The following LRRC72 variants were observed in gnomAD, a reference collection of about 807,000 sequenced individuals.
LRRC72 encodes the protein leucine rich repeat containing 72, also known as leucine-rich repeat-containing protein 72.
LRRC72 carries 41 observed loss-of-function variants against 35.8 expected under a neutral mutation model. That is an observed-to-expected ratio of 1.15 (90% CI 0.89 to 1.49). The LOEUF (loss-of-function observed/expected upper bound fraction) is 1.49. Ranked by LOEUF, LRRC72 falls within the 40% of genes most tolerant of loss-of-function variation. LRRC72 has a pLI of 0.00. For synonymous variants in LRRC72, 118 were observed against 119.2 expected (o/e 0.99, Z 0.07); for missense variants, 389 against 330.7 (o/e 1.18, Z -1.37).
chr7:16,568,760 A>G (rs943578572), intron 7 of LRRC72, among the ~76,000 whole-genome samples: 53 of 152,306 alleles, frequency 3.5e-4, no homozygotes, highest in African/African-American at 1.3e-3. Flanking sequence ...AACCATCTTA[A>G]AGCAGTCGGA....
intron 7 of LRRC72, among the ~76,000 whole-genome samples, chr7:16,573,394 T>C (rs1782981996): frequency 6.6e-6 from 1 of 152,124 alleles, no homozygotes. Context: ...CACTGCCTGA[T>C]TTCAAACTAT....
intron 3 of LRRC72, among the ~76,000 whole-genome samples, chr7:16,541,616 A>T (rs1407974007): frequency 6.6e-6 from 1 of 152,202 alleles, no homozygotes; most frequent in East Asian, 1.9e-4. Context: ...AAACACTTTT[A>T]AAAAAACATA....
At chr7:16,534,688 G>A (rs1167036505) in intron 2 of LRRC72, among the ~76,000 whole-genome samples, 2 of 151,812 alleles carry the variant, frequency 1.3e-5, no homozygotes, top group Non-Finnish European at 2.9e-5. Flanking sequence ...AACTTTTATG[G>A]GAAATCCTCT....
chr7:16,559,402 A>T (rs1215272178), intron 5 of LRRC72, among the ~76,000 whole-genome samples: 1 of 152,192 alleles, frequency 6.6e-6, no homozygotes, highest in African/African-American at 2.4e-5. Context: ...TCAGAAAAAA[A>T]AAAAATTAGA....
At chr7:16,562,903 C>T (rs1252481813) in intron 5 of LRRC72, among the ~76,000 whole-genome samples, 2 of 152,336 alleles carry the variant, frequency 1.3e-5, no homozygotes, top group African/African-American at 2.4e-5. Context: ...TTGCCTTTTA[C>T]AATCAGGGGT....
chr7:16,572,371 T>C lies in LRRC72; in HGVS notation c.670+4828T>C, dbSNP rs114172856. Among the ~76,000 whole-genome samples, 1,466 of 152,248 alleles carry C rather than the reference T, an allele frequency of 9.6e-3. 25 individuals are homozygous for C. The highest frequency in any genetic ancestry group is 0.034 in the African/African-American group (1,401 of 41,550). ...ACAACAACAAAAAATTCCAGGCCAATATCCCTGACGAACATCAGTGCAAAA... is the reference window on the plus strand; with the variant it reads ...ACAACAACAAAAAATTCCAGGCCAACATCCCTGACGAACATCAGTGCAAAA... On this transcript the variant is annotated intron_variant, in intron 7 of 8. Coordinates refer to ENST00000401542, the MANE Select transcript of LRRC72 (RefSeq NM_001195280.2).
At chr7:16,538,843 C>T (rs1782308193) in intron 3 of LRRC72, among the ~76,000 whole-genome samples, 1 of 152,194 alleles carries the variant, frequency 6.6e-6, no homozygotes, top group African/African-American at 2.4e-5. Context: ...TGCCTTGCTT[C>T]CCCTTCACCT....
intron 3 of LRRC72, among the ~76,000 whole-genome samples, chr7:16,544,423 C>T (rs759914546): frequency 4.6e-5 from 7 of 152,120 alleles, no homozygotes; most frequent in Admixed American, 6.5e-5. Flanking sequence ...TGCTGCATCT[C>T]CTCCTTTTTG....
chr7:16,575,825 C>G (rs1003286040), intron 7 of LRRC72, among the ~76,000 whole-genome samples: 2 of 152,136 alleles, frequency 1.3e-5, no homozygotes, highest in African/African-American at 2.4e-5. Context: ...ACAGCGAATG[C>G]ACACAATAAC....
At chr7:16,564,471 A>G (rs987183030) in intron 5 of LRRC72, among the ~76,000 whole-genome samples, 2 of 152,090 alleles carry the variant, frequency 1.3e-5, no homozygotes, top group African/African-American at 4.8e-5. Flanking sequence ...CTTCTCTTTC[A>G]AGAATAAAAT....
At chr7:16,528,438 G>C (rs1428678086) in intron 1 of LRRC72, among the ~76,000 whole-genome samples, 2 of 152,014 alleles carry the variant, frequency 1.3e-5, no homozygotes, top group Admixed American at 6.5e-5. Flanking sequence ...AGCTGCATCT[G>C]TCTTCCCTCC....
intron 7 of LRRC72, among the ~76,000 whole-genome samples, chr7:16,573,969 C>T (rs1009483872): frequency 6.6e-6 from 1 of 152,216 alleles, no homozygotes; most frequent in South Asian, 2.1e-4. Flanking sequence ...AAAACACAAC[C>T]TCATCAAAAA....
intron 7 of LRRC72, among the ~76,000 whole-genome samples, chr7:16,568,175 C>T (rs1782882982): frequency 6.6e-6 from 1 of 152,056 alleles, no homozygotes; most frequent in South Asian, 2.1e-4. Context: ...ACAATGTTGT[C>T]ACTGTTCAAG....
At chr7:16,553,926 G>T (rs1021843540) in intron 3 of LRRC72, among the ~76,000 whole-genome samples, 2 of 152,126 alleles carry the variant, frequency 1.3e-5, no homozygotes, top group Non-Finnish European at 2.9e-5. Context: ...CACTTGTTAT[G>T]CTCCAAGCCT....
At chr7:16,532,671 G>A in intron 2 of LRRC72, 103 bp downstream of exon 2, 2 of 840,432 alleles carry the variant, frequency 2.4e-6, no homozygotes, top group Non-Finnish European at 4.0e-6. Context: ...CCCCCTCAAG[G>A]ACTGGGTAGG....
At chr7:16,565,183 C>G (rs1014506621) in intron 5 of LRRC72, among the ~76,000 whole-genome samples, 1 of 152,176 alleles carries the variant, frequency 6.6e-6, no homozygotes, top group Non-Finnish European at 1.5e-5. Flanking sequence ...GTGGCTGATG[C>G]CTGTATTTTG....
intron 3 of LRRC72, among the ~76,000 whole-genome samples, chr7:16,550,013 G>A (rs1782520810): frequency 6.6e-6 from 1 of 152,126 alleles, no homozygotes; most frequent in South Asian, 2.1e-4. Context: ...GAGTCCAGGA[G>A]TTTAAGACCA....
chr7:16,536,311 A>G (rs183338247), intron 2 of LRRC72, among the ~76,000 whole-genome samples: 105 of 152,336 alleles, frequency 6.9e-4, no homozygotes, highest in Non-Finnish European at 1.3e-3. Flanking sequence ...AAATGTAGGA[A>G]CAACAGGGAA....
At chr7:16,535,299 G>A (rs1583635340) in intron 2 of LRRC72, among the ~76,000 whole-genome samples, 1 of 152,136 alleles carries the variant, frequency 6.6e-6, no homozygotes, top group South Asian at 2.1e-4. Context: ...TGCTTGAAAT[G>A]TCTTTTATAA....
Sources: gnomAD v4.1 joint callset for allele counts (sites outside exome capture counted in the v4.1 genomes callset) on GRCh38, gnomAD v4.1.1 for gene constraint, MANE v1.5 for transcripts, NCBI Gene and HGNC (gene_info 2026-07-23, HGNC 2026-07-21) for gene names.